Variants in TPH2 observed in about 807,000 individuals in gnomAD.
TPH2 encodes the protein tryptophan hydroxylase 2.
Under a neutral mutation model 59.1 loss-of-function variants are expected in TPH2, and 27 were observed. That is an observed-to-expected ratio of 0.46 (90% CI 0.34 to 0.63). The LOEUF is 0.63. Ranked by LOEUF, TPH2 falls within the 30% of genes least tolerant of loss-of-function variation. The probability of loss-of-function intolerance (pLI) is 0.01; values close to 1 mark genes in which losing one functional copy is unlikely to be tolerated. For missense variants in TPH2, 523 were observed against 588.3 expected (o/e 0.89, Z 1.15); for synonymous variants, 220 against 210.5 (o/e 1.05, Z -0.39).
At position 71,961,558 on chromosome 12, in the gene TPH2, C is replaced by T. The variant is rs764781116; in HGVS notation, c.609-10961C>T. 3 of 1,352,014 alleles carry T rather than the reference C, an allele frequency of 2.2e-6. No individual in the cohort carries two copies. In the Admixed American group the frequency reaches 5.7e-5, roughly 26 times the overall value. 83.8% of individuals were successfully genotyped at this position (1,352,014 alleles called of 1,614,324 possible). The stretch of plus-strand genomic sequence containing the variant: ...TTTGTGAATCTTCATTCTAGTGGCC[C>T]AAGACTGTTAGCTGCTATTGGCGAC... On this transcript the variant is annotated intron_variant, in intron 5 of 10. Coordinates refer to ENST00000333850, the MANE Select transcript of TPH2 (RefSeq NM_173353.4).
chr12:72,018,087 G>A (rs1566166993), intron 8 of TPH2, among the ~76,000 whole-genome samples: 1 of 152,188 alleles, frequency 6.6e-6, no homozygotes, highest in Non-Finnish European at 1.5e-5. Context: ...AACTGTCTCA[G>A]ACTAAAAGGT....
Position 72,031,871 on chromosome 12 carries a change from C to A in TPH2, c.*176C>A. 1.4e-6 allele frequency: 1 copy of A among 705,268 alleles called. No homozygotes were observed. The highest frequency in any genetic ancestry group is 1.8e-5 in the African/African-American group (1 of 56,280). 43.7% of individuals were successfully genotyped at this position (705,268 alleles called of 1,614,324 possible). A position where few individuals can be genotyped will look rare whatever the true frequency, so the allele number is the denominator to read the frequency against. On this transcript the variant is annotated 3_prime_UTR_variant, in exon 11 of 11. Transcript: ENST00000333850. ...TAGTATATAAAGCACCATAAGAAAT[C>A]CAATGGCAGATAACCACTCATTGTA...
At chr12:72,020,917 T>A (rs1361905658) in intron 8 of TPH2, among the ~76,000 whole-genome samples, 1 of 152,132 alleles carries the variant, frequency 6.6e-6, no homozygotes, top group African/African-American at 2.4e-5. Flanking sequence ...TTTGGAAAAT[T>A]CAACTTCAGA....
chr12:71,948,216 GGTAA>G (rs376323238), intron 4 of TPH2, among the ~76,000 whole-genome samples: 158 of 151,954 alleles, frequency 1.0e-3, no homozygotes, highest in African/African-American at 3.4e-3. Context: ...CAAGGACTGT[GGTAA>G]GTATTTTGTA....
intron 5 of TPH2, among the ~76,000 whole-genome samples, chr12:71,954,099 G>GA: frequency 6.6e-6 from 1 of 152,218 alleles, no homozygotes; most frequent in South Asian, 2.1e-4. Flanking sequence ...AGAGAAAAAT[G>GA]AAAAAATTCC....
At chr12:71,970,968 G>A (rs777148641) in intron 5 of TPH2, among the ~76,000 whole-genome samples, 21 of 152,286 alleles carry the variant, frequency 1.4e-4, no homozygotes, top group Admixed American at 2.6e-4. Context: ...TAATTTGGGG[G>A]CAGGAGAAAC....
At chr12:72,004,939 T>C (rs1048482220) in intron 8 of TPH2, among the ~76,000 whole-genome samples, 15 of 152,176 alleles carry the variant, frequency 9.9e-5, no homozygotes, top group Admixed American at 8.5e-4. Context: ...GCCACCACAA[T>C]GAATGGTATC....
intron 8 of TPH2, among the ~76,000 whole-genome samples, chr12:71,998,856 G>A (rs1872755045): frequency 6.6e-6 from 1 of 152,156 alleles, no homozygotes; most frequent in South Asian, 2.1e-4. Context: ...GAAAGCCATG[G>A]AAATCACTAT....
intron 8 of TPH2, among the ~76,000 whole-genome samples, chr12:72,003,233 G>T (rs565837107): frequency 2.0e-5 from 3 of 151,892 alleles, no homozygotes; most frequent in Admixed American, 1.3e-4. Context: ...TAAGCCTCAG[G>T]CTTATTTATT....
chr12:71,999,275 G>A (rs1321648723), intron 8 of TPH2, among the ~76,000 whole-genome samples: 1 of 152,180 alleles, frequency 6.6e-6, no homozygotes, highest in Non-Finnish European at 1.5e-5. Context: ...TGTGGGCAAT[G>A]GTTTCTATGC....
At chr12:72,029,612 A>G (rs1376515112) in intron 9 of TPH2, among the ~76,000 whole-genome samples, 1 of 152,184 alleles carries the variant, frequency 6.6e-6, no homozygotes, top group East Asian at 1.9e-4. Flanking sequence ...CCTGCATTGA[A>G]TCTAGCACAA....
At chr12:71,945,768 C>A (rs113862266) in intron 4 of TPH2, among the ~76,000 whole-genome samples, 1 of 152,096 alleles carries the variant, frequency 6.6e-6, no homozygotes, top group Non-Finnish European at 1.5e-5. Flanking sequence ...ACATAATATA[C>A]CAACTCAGAC....
chr12:71,965,651 C>T (rs1871797813), intron 5 of TPH2, among the ~76,000 whole-genome samples: 1 of 152,130 alleles, frequency 6.6e-6, no homozygotes, highest in African/African-American at 2.4e-5. Context: ...TTAGAAACTG[C>T]AATTACTTTT....
intron 9 of TPH2, among the ~76,000 whole-genome samples, chr12:72,026,887 G>A (rs1592418470): frequency 6.6e-6 from 1 of 152,120 alleles, no homozygotes; most frequent in African/African-American, 2.4e-5. Context: ...TTTGAGGGAG[G>A]CTCAAAAATA....
chr12:71,967,429 A>C (rs1871849349), intron 5 of TPH2, among the ~76,000 whole-genome samples: 1 of 152,220 alleles, frequency 6.6e-6, no homozygotes, highest in African/African-American at 2.4e-5. Flanking sequence ...TGACCATCTT[A>C]GCTTCTTTCT....
chr12:71,982,371 A>T (rs7954105), intron 7 of TPH2, among the ~76,000 whole-genome samples: 88,372 of 151,830 alleles, frequency 0.58, 25,982 homozygotes, highest in African/African-American at 0.62. Flanking sequence ...AAAGGTATAT[A>T]CTGTGAACAG....
intron 7 of TPH2, among the ~76,000 whole-genome samples, chr12:71,980,872 T>A (rs1352691352): frequency 6.6e-6 from 1 of 152,232 alleles, no homozygotes; most frequent in African/African-American, 2.4e-5. Context: ...CAAACATTTA[T>A]GTGCAATGCT....
intron 1 of TPH2, among the ~76,000 whole-genome samples, chr12:71,941,042 T>G (rs1471597717): frequency 6.6e-6 from 1 of 152,200 alleles, no homozygotes; most frequent in Non-Finnish European, 1.5e-5. Flanking sequence ...ACATTGACAA[T>G]GTGGATCTAA....
chr12:71,956,477 TTCCCTCCTTCCCTCCTTCTTTCCCTCCC>T (rs1210171340), intron 5 of TPH2, among the ~76,000 whole-genome samples: 47 of 6,294 alleles, frequency 7.5e-3, no homozygotes, highest in Non-Finnish European at 0.012. Context: ...CCTTCCCTCC[TTCCCTCCTTCCCTCCTTCTTTCCCTCCC>T]TCCCTCCTTC....
Sources: allele counts gnomAD v4.1 joint callset (sites outside exome capture counted in the v4.1 genomes callset), GRCh38; gene constraint gnomAD v4.1.1; transcripts MANE v1.5; gene names NCBI Gene and HGNC (gene_info 2026-07-23, HGNC 2026-07-21).